Variants in SLC36A1 observed in about 807,000 individuals in gnomAD.
The protein encoded by SLC36A1 is proton-coupled amino acid transporter 1.
Under a neutral mutation model 47.5 loss-of-function variants are expected in SLC36A1, and 30 were observed. That is an observed-to-expected ratio of 0.63 (90% CI 0.47 to 0.86). The LOEUF is 0.86. SLC36A1 is among the 40% of genes least tolerant of loss of function. SLC36A1 has a pLI of 0.00. For synonymous variants in SLC36A1, 255 were observed against 249.7 expected, an observed-to-expected ratio of 1.02 and a Z score of -0.20; for missense variants, 517 against 606.0, an observed-to-expected ratio of 0.85 and a Z score of 1.54.
the SLC36A1 span, among the ~76,000 whole-genome samples, chr5:151,358,146 CA>C: frequency 4.6e-5 from 7 of 152,152 alleles, no homozygotes; most frequent in South Asian, 2.1e-4. Flanking sequence ...CTATTTGTTA[CA>C]AAAAAGTATA....
chr5:151,441,578 A>G (rs1002069116), intron 1 of SLC36A1, among the ~76,000 whole-genome samples: 3 of 152,220 alleles, frequency 2.0e-5, no homozygotes, highest in Non-Finnish European at 4.4e-5. Context: ...ATTTCTATAC[A>G]TACGTATATA....
At chr5:151,436,084 G>C (rs544466803), upstream of SLC36A1, among the ~76,000 whole-genome samples, 4,936 of 152,004 alleles carry the variant, frequency 0.032, 255 homozygotes, top group African/African-American at 0.11. Context: ...ATTCATATAT[G>C]AACATCCCTC....
At chr5:151,390,346 T>G in the SLC36A1 span, among the ~76,000 whole-genome samples, 2 of 152,316 alleles carry the variant, frequency 1.3e-5, no homozygotes, top group Admixed American at 1.3e-4. Context: ...TTTTCTCCCA[T>G]TCTGTAGGTT....
the SLC36A1 span, among the ~76,000 whole-genome samples, chr5:151,356,585 C>A: frequency 6.6e-6 from 1 of 152,222 alleles, no homozygotes; most frequent in South Asian, 2.1e-4. Flanking sequence ...CAGGCACTGG[C>A]TCTCCTCCTG....
chr5:151,513,808 T>C, the SLC36A1 span, among the ~76,000 whole-genome samples: 1 of 152,242 alleles, frequency 6.6e-6, no homozygotes, highest in Non-Finnish European at 1.5e-5. Flanking sequence ...GTGAGTTTAT[T>C]ATTTCTAAAT....
intron 10 of SLC36A1, among the ~76,000 whole-genome samples, chr5:151,482,139 C>T (rs969777966): frequency 1.3e-5 from 2 of 152,176 alleles, no homozygotes; most frequent in Non-Finnish European, 1.5e-5. Context: ...TCCAAGCAGT[C>T]GGATTTTTAG....
chr5:151,399,129 C>T, the SLC36A1 span, among the ~76,000 whole-genome samples: 1 of 131,358 alleles, frequency 7.6e-6, no homozygotes, highest in Admixed American at 8.8e-5. Context: ...CTCTATCACC[C>T]AAGCTGAAGT....
chr5:151,540,625 G>A, the SLC36A1 span: 18 of 1,613,986 alleles, frequency 1.1e-5, no homozygotes, highest in Middle Eastern at 1.7e-4. Flanking sequence ...CACAGTGACC[G>A]AAGCCTGGAA....
chr5:151,514,372 A>G, the SLC36A1 span, among the ~76,000 whole-genome samples: 51 of 152,220 alleles, frequency 3.4e-4, no homozygotes, highest in African/African-American at 1.2e-3. Context: ...CTCCTTATCC[A>G]GTTTAAGTTC....
At chr5:151,486,385 TG>T (rs1759549410) in intron 10 of SLC36A1, among the ~76,000 whole-genome samples, 1 of 152,126 alleles carries the variant, frequency 6.6e-6, no homozygotes, top group African/African-American at 2.4e-5. Context: ...CCATATTACC[TG>T]GTAAGTCCTT....
the SLC36A1 span, among the ~76,000 whole-genome samples, chr5:151,395,616 G>A: frequency 1.3e-5 from 2 of 152,168 alleles, no homozygotes; most frequent in Admixed American, 1.3e-4. Context: ...CATGGAATGT[G>A]AGTTGGTGTG....
At chr5:151,428,064 G>A in the SLC36A1 span, among the ~76,000 whole-genome samples, 5 of 152,180 alleles carry the variant, frequency 3.3e-5, no homozygotes, top group African/African-American at 1.2e-4. Flanking sequence ...TCAGCCTCCC[G>A]ATTGTGGTGG....
the SLC36A1 span, among the ~76,000 whole-genome samples, chr5:151,498,249 G>C: frequency 6.6e-6 from 1 of 152,100 alleles, no homozygotes; most frequent in Non-Finnish European, 1.5e-5. Flanking sequence ...ACGGCCAGGG[G>C]GGTGGGAATG....
At chr5:151,554,896 CAG>C in the SLC36A1 span, among the ~76,000 whole-genome samples, 2 of 152,256 alleles carry the variant, frequency 1.3e-5, no homozygotes, top group African/African-American at 4.8e-5. Context: ...AAGACAGAGT[CAG>C]AGTCTCTAGA....
At chr5:151,486,109 A>G (rs993854004) in intron 10 of SLC36A1, among the ~76,000 whole-genome samples, 2 of 152,236 alleles carry the variant, frequency 1.3e-5, no homozygotes, top group Non-Finnish European at 2.9e-5. Flanking sequence ...CAGGCTGTAC[A>G]GGAAGTGTGA....
chr5:151,373,545 T>C, the SLC36A1 span, among the ~76,000 whole-genome samples: 2 of 151,914 alleles, frequency 1.3e-5, no homozygotes, highest in Non-Finnish European at 2.9e-5. Context: ...CTTGCAAAAA[T>C]GAAGGAGAAG....
At chr5:151,476,810 T>C (rs1758119091) in intron 9 of SLC36A1, 54 bp downstream of exon 9, 2 of 1,594,054 alleles carry the variant, frequency 1.3e-6, no homozygotes, top group African/African-American at 2.7e-5. Context: ...TAAAAACTAA[T>C]GGGTCACAGT....
the SLC36A1 span, chr5:151,517,892 A>G: frequency 1.7e-6 from 2 of 1,190,492 alleles, no homozygotes; most frequent in Non-Finnish European, 2.4e-6. Flanking sequence ...ACATGAAGAA[A>G]CTAGGCTGGG....
At chr5:151,493,648 C>T (rs1252352039), downstream of SLC36A1, among the ~76,000 whole-genome samples, 6 of 152,208 alleles carry the variant, frequency 3.9e-5, no homozygotes, top group South Asian at 2.1e-4. Flanking sequence ...TTGTCATTAT[C>T]ATTTCTGGAA....
Sources: gnomAD v4.1 joint callset for allele counts (sites outside exome capture counted in the v4.1 genomes callset) on GRCh38, gnomAD v4.1.1 for gene constraint, MANE v1.5 for transcripts, NCBI Gene and HGNC (gene_info 2026-07-23, HGNC 2026-07-21) for gene names.